The following TPTE variants were observed in gnomAD, a reference collection of about 807,000 sequenced individuals.
TPTE encodes transmembrane phosphatase with tensin homology.
Under a neutral mutation model 84.1 loss-of-function variants are expected in TPTE, and 59 were observed. That is an observed-to-expected ratio of 0.70 (90% confidence interval 0.57 to 0.87). TPTE has a LOEUF of 0.87. Ranked by LOEUF, TPTE falls within the 40% of genes least tolerant of loss-of-function variation. TPTE has a pLI of 0.00. For missense variants in TPTE, 382 were observed against 659.6 expected, an observed-to-expected ratio of 0.58 and a Z score of 4.61; for synonymous variants, 130 against 223.5, an observed-to-expected ratio of 0.58 and a Z score of 3.73.
At chr21:10,591,585 C>A (rs2075477504) in intron 18 of TPTE, among the ~76,000 whole-genome samples, 1 of 152,312 alleles carries the variant, frequency 6.6e-6, no homozygotes, top group African/African-American at 2.4e-5. Flanking sequence ...TGGATTGCAA[C>A]TTAAAAAACA....
chr21:10,594,138 T>C (rs374208064), intron 19 of TPTE, among the ~76,000 whole-genome samples: 1,036 of 150,670 alleles, frequency 6.9e-3, no homozygotes, highest in African/African-American at 0.018. Context: ...CTCTTTGACT[T>C]TTCCAACCTT....
At chr21:10,536,357 CTG>C (rs1263655987) in intron 3 of TPTE, among the ~76,000 whole-genome samples, 4 of 152,306 alleles carry the variant, frequency 2.6e-5, no homozygotes, top group African/African-American at 9.6e-5. Flanking sequence ...TGTAGAGTAA[CTG>C]TAGCTGTTTG....
chr21:10,585,249 AAAAAAAAGAAAGAAAG>A, intron 17 of TPTE, among the ~76,000 whole-genome samples: 1 of 152,292 alleles, frequency 6.6e-6, no homozygotes, highest in Non-Finnish European at 1.5e-5. Context: ...AACAAAAAAA[AAAAAAAAGAAAGAAAG>A]AAAAAAGAAA....
At chr21:10,605,338 A>T in intron 23 of TPTE, 79 bp from the exon 24 acceptor site, 3 of 1,526,758 alleles carry the variant, frequency 2.0e-6, no homozygotes, top group African/African-American at 2.8e-5. Context: ...TGTTTCTTCC[A>T]GCTCTAACGT....
At chr21:10,560,685 ACTT>A (rs1317279877) in intron 9 of TPTE, among the ~76,000 whole-genome samples, 1 of 152,310 alleles carries the variant, frequency 6.6e-6, no homozygotes, top group Non-Finnish European at 1.5e-5. Context: ...ATTGGTATAA[ACTT>A]CTTATGAAAT....
chr21:10,557,619 A>C (rs1008849060), intron 8 of TPTE, among the ~76,000 whole-genome samples: 1 of 152,302 alleles, frequency 6.6e-6, no homozygotes, highest in Non-Finnish European at 1.5e-5. Context: ...CATCTACATC[A>C]GCCTTAACTC....
chr21:10,541,502 A>C (rs541352292), intron 5 of TPTE, among the ~76,000 whole-genome samples: 5 of 152,416 alleles, frequency 3.3e-5, no homozygotes, highest in Admixed American at 6.5e-5. Context: ...ATGCACACAC[A>C]CACACACAAA....
At chr21:10,605,299 A>AG in intron 23 of TPTE, 118 bp from the exon 24 acceptor site, 2 of 1,348,706 alleles carry the variant, frequency 1.5e-6, no homozygotes, top group Non-Finnish European at 2.0e-6. Flanking sequence ...AAAAGGGCTG[A>AG]GGTTCTATTC....
chr21:10,539,065 C>T (rs2074319943), intron 4 of TPTE, among the ~76,000 whole-genome samples: 1 of 152,302 alleles, frequency 6.6e-6, no homozygotes, highest in African/African-American at 2.4e-5. Context: ...AGGAGCAGGT[C>T]ATAAGAGAGC....
chr21:10,562,972 A>G (rs929260669), intron 10 of TPTE, among the ~76,000 whole-genome samples: 25 of 152,410 alleles, frequency 1.6e-4, no homozygotes, highest in Middle Eastern at 3.4e-3. Context: ...TCACAGTCCC[A>G]AAGATCAAGG....
intron 4 of TPTE, among the ~76,000 whole-genome samples, chr21:10,539,537 T>G (rs1468887627): frequency 6.6e-6 from 1 of 152,308 alleles, no homozygotes; most frequent in Non-Finnish European, 1.5e-5. Flanking sequence ...CAAAAGGCTG[T>G]CTGTCGTGCA....
intron 14 of TPTE, among the ~76,000 whole-genome samples, chr21:10,572,450 C>CAAAA (rs58796102): frequency 1.4e-3 from 187 of 131,748 alleles, no homozygotes; most frequent in Middle Eastern, 8.5e-3. Flanking sequence ...AGACTGTATC[C>CAAAA]AAAAAAAAAA....
chr21:10,524,763 C>G (rs1167997641), intron 2 of TPTE, 75 bp downstream of exon 2: 1 of 152,738 alleles, frequency 6.5e-6, no homozygotes, highest in Admixed American at 6.5e-5. Context: ...GGTTCACGTC[C>G]AAAGATGTGC....
chr21:10,540,581 G>C (rs200291909), intron 4 of TPTE, among the ~76,000 whole-genome samples: 1 of 152,304 alleles, frequency 6.6e-6, no homozygotes, highest in African/African-American at 2.4e-5. Context: ...AAAGAACAGA[G>C]CTAATAACCC....
intron 17 of TPTE, among the ~76,000 whole-genome samples, chr21:10,585,141 A>G (rs1370376948): frequency 6.6e-6 from 1 of 152,310 alleles, no homozygotes. Flanking sequence ...GAGGCACGAG[A>G]ATCACTTGAA....
intron 7 of TPTE, among the ~76,000 whole-genome samples, chr21:10,545,833 AT>A (rs1249437004): frequency 6.6e-6 from 1 of 151,780 alleles, no homozygotes; most frequent in East Asian, 1.9e-4. Context: ...ATATATACAT[AT>A]CTATATATAG....
intron 17 of TPTE, among the ~76,000 whole-genome samples, chr21:10,587,456 G>A (rs1411392236): frequency 6.6e-6 from 1 of 152,310 alleles, no homozygotes; most frequent in African/African-American, 2.4e-5. Context: ...ACTTATGAGT[G>A]AGAACATATG....
At chr21:10,560,250 C>T (rs1469189959) in intron 9 of TPTE, among the ~76,000 whole-genome samples, 4 of 152,306 alleles carry the variant, frequency 2.6e-5, no homozygotes, top group Admixed American at 1.3e-4. Flanking sequence ...CTCTTTAATT[C>T]TGGAAACAAT....
intron 3 of TPTE, among the ~76,000 whole-genome samples, chr21:10,536,854 C>G (rs1169721813): frequency 1.3e-5 from 2 of 152,304 alleles, no homozygotes; most frequent in Non-Finnish European, 2.9e-5. Context: ...ATGAGACATA[C>G]TAGAGTGGAC....
Sources: allele counts gnomAD v4.1 joint callset (sites outside exome capture counted in the v4.1 genomes callset), GRCh38; gene constraint gnomAD v4.1.1; transcripts MANE v1.5; gene names NCBI Gene and HGNC (gene_info 2026-07-23, HGNC 2026-07-21).